PBXIP1: variants seen among roughly 807,000 people sequenced by gnomAD.
PBXIP1 encodes the protein pre-B-cell leukemia transcription factor-interacting protein 1.
A neutral mutation model predicts 73.7 loss-of-function variants in PBXIP1; 73 were observed. The observed-to-expected ratio is 0.99, with a 90% CI of 0.82 to 1.20. The LOEUF is 1.20. Ranked by LOEUF, PBXIP1 falls within the 50% of genes most tolerant of loss-of-function variation. PBXIP1 has a pLI of 0.00. For synonymous variants in PBXIP1, 330 were observed against 366.9 expected, an observed-to-expected ratio of 0.90 and a Z score of 1.15; for missense variants, 818 against 911.4, an observed-to-expected ratio of 0.90 and a Z score of 1.32.
chr1:154,946,114 G>A lies in PBXIP1; in HGVS notation c.1560C>T (p.Gly520=). ...DREPAGRWKE[G]RPRVEESGSK... The stretch of plus-strand genomic sequence containing the variant: ...TCCCCGACTCCTCCACCCTTGGCCT[G>A]CCCTCCTTCCACCTTCCTGCTGGCT... The change falls in exon 10 of 11, where the codon GGC becomes GGT. Residue 520 remains glycine, a synonymous_variant. Transcript: ENST00000368463. 1.9e-6 allele frequency: 3 copies of A among 1,614,050 alleles called. No individual in the cohort carries two copies. The highest frequency in any genetic ancestry group is 2.7e-5 in the African/African-American group (2 of 75,020).
intron 5 of PBXIP1, chr1:154,950,414 G>A (rs1415846723): frequency 6.6e-6 from 1 of 152,276 alleles, no homozygotes; most frequent in Non-Finnish European, 1.5e-5. Context: ...CTGCAGTCTT[G>A]AATTCCTGGG....
In PBXIP1 at chr1:154,947,536, C is replaced by G. The variant is rs1161701937; in HGVS notation, c.751G>C (p.Glu251Gln). 1 of 1,605,276 alleles carries G rather than the reference C, an allele frequency of 6.2e-7. No individual in the cohort carries two copies. Among genetic ancestry groups the G allele is most frequent in the Non-Finnish European group, 8.5e-7 (1 of 1,174,328 alleles). ...GGAGGCACTGGGGCCTGCAGCTGTT[C>G]CCTTAGCCCATCCTGAGGGCAGAAG... ...AVGDRQDGLR[E>Q]QLQAPVPPDS... The change falls in exon 9 of 11, where the codon GAA becomes CAA. Residue 251 changes from glutamate to glutamine, a missense_variant. Coordinates refer to ENST00000368463, the MANE Select transcript of PBXIP1 (RefSeq NM_020524.4).
chr1:154,947,802 C>A, intron 7 of PBXIP1, 90 bp from the exon 8 acceptor site: 1 of 1,451,848 alleles, frequency 6.9e-7, no homozygotes, highest in Non-Finnish European at 9.6e-7. Flanking sequence ...ACCACTCCTG[C>A]TCAGGACCCA....
At chr1:154,949,995 T>TTATTC (rs1034185826) in intron 5 of PBXIP1, among the ~76,000 whole-genome samples, 5 of 151,012 alleles carry the variant, frequency 3.3e-5, no homozygotes, top group African/African-American at 1.2e-4. Flanking sequence ...TTTATTTATT[T>TTATTC]TATTTTATTT....
intron 7 of PBXIP1, 107 bp downstream of exon 7, chr1:154,947,875 C>T: frequency 7.2e-7 from 1 of 1,386,010 alleles, no homozygotes; most frequent in Non-Finnish European, 1.0e-6. Flanking sequence ...GCTGACAAGG[C>T]CACTAACTGA....
At position 154,944,916 on chromosome 1, in the gene PBXIP1, T is replaced by C; in HGVS notation, c.*108A>G. ...TGATTTTGCTCTACTGTGTGAAAGA[T>C]ATCTGAGGACACCAAACAAGCCAGG... On this transcript the variant is annotated 3_prime_UTR_variant, in exon 11 of 11. Coordinates refer to ENST00000368463, the MANE Select transcript of PBXIP1 (RefSeq NM_020524.4). 2 of 864,182 alleles carry C rather than the reference T, an allele frequency of 2.3e-6. No individual in the cohort carries two copies. Among genetic ancestry groups the C allele is most frequent in the Admixed American group, 4.0e-5 (2 of 49,778 alleles). The allele number at this position is 864,182 out of a possible 1,614,324, so 53.5% of individuals were successfully genotyped here.
chr1:154,954,417 C>T (rs546059042), intron 1 of PBXIP1, among the ~76,000 whole-genome samples: 24 of 152,296 alleles, frequency 1.6e-4, no homozygotes, highest in Non-Finnish European at 5.9e-5. Flanking sequence ...GATTCTCATG[C>T]GCAGCCAGGG....
chr1:154,954,748 G>A (rs1458319044), intron 1 of PBXIP1, among the ~76,000 whole-genome samples: 1 of 152,182 alleles, frequency 6.6e-6, no homozygotes, highest in Non-Finnish European at 1.5e-5. Context: ...TAAGAAGAGA[G>A]GGATCCGCCC....
chr1:154,951,700 C>G lies in PBXIP1; in HGVS notation c.178+95G>C. 6.7e-7 allele frequency: 1 copy of G among 1,498,950 alleles called. No homozygotes were observed. The highest frequency in any genetic ancestry group is 9.2e-7 in the Non-Finnish European group (1 of 1,088,952). 92.9% of individuals were successfully genotyped at this position (1,498,950 alleles called of 1,614,324 possible). A position where few individuals can be genotyped will look rare whatever the true frequency, so the allele number is the denominator to read the frequency against. On this transcript the variant is annotated intron_variant, in intron 3 of 10. Coordinates refer to ENST00000368463, the MANE Select transcript of PBXIP1 (RefSeq NM_020524.4). The surrounding 1 kb of genome is among the most constrained non-coding windows in gnomAD (Gnocchi z 4.3). ...ACTGAGATTAATGGAGGAACTAAAA[C>G]GAACCAGCCTCCCTTTCTCTGAGGA...
At position 154,945,729 on chromosome 1, in the gene PBXIP1, A is replaced by T. The variant is rs761272614; in HGVS notation, c.1945T>A (p.Phe649Ile). 2 of 1,614,116 alleles carry T rather than the reference A, an allele frequency of 1.2e-6. No homozygotes were observed. The highest frequency in any genetic ancestry group is 1.7e-6 in the Non-Finnish European group (2 of 1,180,040). The change falls in exon 10 of 11, where the codon TTC (phenylalanine) becomes ATC (isoleucine). Residue 649 changes from phenylalanine (F) to isoleucine (I), a missense_variant. Transcript: ENST00000368463. ...CGGAAGCGGAGGCGGTCATGACGGAAGATGCCATCCTCACCAAAGAAAGCA... is the reference window on the plus strand; with the variant it reads ...CGGAAGCGGAGGCGGTCATGACGGATGATGCCATCCTCACCAAAGAAAGCA... ...SPAFFGEDGIFRHDRLRFRDF... is the reference protein window; with the variant it reads ...SPAFFGEDGIIRHDRLRFRDF...
At chr1:154,952,002 C>A in intron 2 of PBXIP1, 81 bp from the exon 3 acceptor site, 2 of 1,484,454 alleles carry the variant, frequency 1.3e-6, no homozygotes, top group Admixed American at 2.3e-5. Flanking sequence ...CACATTCAGT[C>A]ATGAGCTGGC....
rs1655086607 is a variant in PBXIP1, at chr1:154,953,763, G to A, written c.-36-6C>T. ...GAGGCTGCTGTGGCTGCCACCTGCA[G>A]AAGAAAGCTCTCTTAAGGATGGGAG... On this transcript the variant is annotated splice_polypyrimidine_tract_variant and splice_region_variant and intron_variant, in intron 1 of 10. Transcript: ENST00000368463. The A allele has an allele frequency of 3.1e-6, 5 of 1,596,000 alleles. No homozygotes were observed. Among genetic ancestry groups the A allele is most frequent in the Non-Finnish European group, 4.3e-6 (5 of 1,166,290 alleles).
intron 9 of PBXIP1, 136 bp downstream of exon 9, chr1:154,947,281 C>T (rs777010308): frequency 4.3e-5 from 45 of 1,057,262 alleles, no homozygotes; most frequent in African/African-American, 7.8e-5. Context: ...ACTGGGAAGA[C>T]GCCCTGACTA....
At position 154,945,076 on chromosome 1, in the gene PBXIP1, G is replaced by T. The variant is rs372939313; in HGVS notation, c.2144C>A (p.Ala715Glu). Residue 715 changes from alanine (A) to glutamate (E), a missense_variant, in exon 11 of 11, where the codon GCG (alanine) becomes GAG (glutamate). Coordinates refer to ENST00000368463, the MANE Select transcript of PBXIP1 (RefSeq NM_020524.4). ...KDKHSQSPRA[A>E]GPREGHSHSH... Reference sequence around the variant, plus strand: ...ATGGCTGTGCCCCTCCCTGGGCCCCGCAGCTCTTGGGCTCTGTGAGTGCTT... The same window carrying T: ...ATGGCTGTGCCCCTCCCTGGGCCCCTCAGCTCTTGGGCTCTGTGAGTGCTT... 1.9e-6 allele frequency: 3 copies of T among 1,614,082 alleles called. No homozygotes were observed. Among genetic ancestry groups the T allele is most frequent in the Non-Finnish European group, 2.5e-6 (3 of 1,179,946 alleles).
intron 1 of PBXIP1, 93 bp downstream of exon 1, chr1:154,955,976 G>C (rs2101991753): frequency 6.6e-6 from 1 of 152,454 alleles, no homozygotes; most frequent in South Asian, 2.1e-4. Context: ...ATGAAAAGCA[G>C]CTCATTCCTT....
intron 5 of PBXIP1, 116 bp from the exon 6 acceptor site, chr1:154,948,482 GA>G: frequency 1.4e-6 from 1 of 709,904 alleles, no homozygotes; most frequent in South Asian, 1.9e-5. Context: ...TGACCCCAGA[GA>G]GGGGCACATG....
At position 154,945,895 on chromosome 1, in the gene PBXIP1, C is replaced by T; in HGVS notation, c.1779G>A (p.Glu593=). Residue 593 remains glutamate (E), a synonymous_variant, in exon 10 of 11, where the codon GAG becomes GAA. Transcript: ENST00000368463. ...AAGTCAGGCCCTCCTGCCGGGCACACTCGTCCACACCTGAGCAGCCCTGGG... is the reference window on the plus strand; with the variant it reads ...AAGTCAGGCCCTCCTGCCGGGCACATTCGTCCACACCTGAGCAGCCCTGGG... ...RAPQGCSGVD[E]CARQEGLTFF... is the part of the protein sequence containing the mutation. 1 of 1,614,192 alleles carries T rather than the reference C, an allele frequency of 6.2e-7. No homozygotes were observed. The highest frequency in any genetic ancestry group is 8.5e-7 in the Non-Finnish European group (1 of 1,180,000).
In PBXIP1 at chr1:154,945,038, G is replaced by A; in HGVS notation, c.2182C>T (p.His728Tyr). Reference sequence around the variant, plus strand: ...GGGGCAGGGTGTCAGCCCCGGTGGTGGTGGTGGTGGCTATGGCTGTGCCCC... The same window carrying A: ...GGGGCAGGGTGTCAGCCCCGGTGGTAGTGGTGGTGGCTATGGCTGTGCCCC... Reference protein sequence around the residue: ...REGHSHSHHHHHRG With the variant: ...REGHSHSHHHYHRG Residue 728 changes from histidine to tyrosine, a missense_variant, in exon 11 of 11, where the codon CAC (histidine) becomes TAC (tyrosine). Coordinates refer to ENST00000368463, the MANE Select transcript of PBXIP1 (RefSeq NM_020524.4). 1 of 1,613,876 alleles carries A rather than the reference G, an allele frequency of 6.2e-7. No homozygotes were observed. Among genetic ancestry groups the A allele is most frequent in the Non-Finnish European group, 8.5e-7 (1 of 1,179,772 alleles).
chr1:154,947,851 G>A (rs1654881866), intron 7 of PBXIP1, 131 bp downstream of exon 7: 1 of 1,351,352 alleles, frequency 7.4e-7, no homozygotes, highest in East Asian at 2.3e-5. Flanking sequence ...AAGGGCCAAG[G>A]GGCACCCTGA....
Sources: allele counts gnomAD v4.1 joint callset (sites outside exome capture counted in the v4.1 genomes callset), GRCh38; gene constraint gnomAD v4.1.1; non-coding constraint Gnocchi (gnomAD v3.1); transcripts MANE v1.5; gene names NCBI Gene and HGNC (gene_info 2026-07-23, HGNC 2026-07-21).